SLC22A24: variants seen among roughly 807,000 people sequenced by gnomAD.
The protein encoded by SLC22A24 is steroid transmembrane transporter SLC22A24.
In SLC22A24, 53 loss-of-function variants were observed where a neutral mutation model predicts 49.8. The observed-to-expected ratio is 1.06, with a 90% CI of 0.85 to 1.34. The LOEUF is 1.34. Ranked by LOEUF, SLC22A24 falls within the 40% of genes most tolerant of loss-of-function variation. The probability of loss-of-function intolerance (pLI) is 0.00; values close to 1 mark genes in which losing one functional copy is unlikely to be tolerated. For synonymous variants in SLC22A24, 302 were observed against 256.4 expected (o/e 1.18, Z -1.70); for missense variants, 786 against 675.9 (o/e 1.16, Z -1.81).
At chr11:63,113,169 TATATATACATATATATATACAC>T (rs1318758712) in intron 4 of SLC22A24, among the ~76,000 whole-genome samples, 1,332 of 9,000 alleles carry the variant, frequency 0.15, 368 homozygotes, top group Middle Eastern at 0.5. Context: ...TATATACACA[TATATATACATATATATATACAC>T]ATATATATAT....
Position 63,113,769 on chromosome 11 carries a change from AC to A in SLC22A24, c.830+5142del, listed in dbSNP as rs537634942. Among the ~76,000 whole-genome samples the A allele has an allele frequency of 7.2e-4, 109 of 150,404 alleles. 1 individual carries two copies. The highest frequency in any genetic ancestry group is 2.6e-3 in the African/African-American group (107 of 40,762). ...CTTGAGAGGCTGAGGCAGGAAAATC[AC>A]TTGAACCCAGGAGGCAGAGATTGCA... On this transcript the variant is annotated intron_variant, in intron 4 of 9. Coordinates refer to ENST00000612278, the MANE Select transcript of SLC22A24 (RefSeq NM_001136506.2).
At chr11:63,129,660 T>C (rs2087319314) in intron 2 of SLC22A24, among the ~76,000 whole-genome samples, 1 of 152,192 alleles carries the variant, frequency 6.6e-6, no homozygotes, top group East Asian at 1.9e-4. Context: ...TGTTGAGCAG[T>C]GGTTTGTAGT....
chr11:63,106,996 G>A (rs1160955800), intron 4 of SLC22A24, among the ~76,000 whole-genome samples: 1 of 152,172 alleles, frequency 6.6e-6, no homozygotes, highest in Non-Finnish European at 1.5e-5. Context: ...TAGTCATGAA[G>A]TCCTTGCCCA....
At chr11:63,104,945 A>G (rs1193405608) in intron 4 of SLC22A24, among the ~76,000 whole-genome samples, 1 of 152,230 alleles carries the variant, frequency 6.6e-6, no homozygotes, top group Admixed American at 6.5e-5. Context: ...CCTTCTGCCT[A>G]TGAGCCTATA....
At chr11:63,113,794 C>G (rs1012848716) in intron 4 of SLC22A24, among the ~76,000 whole-genome samples, 8 of 146,928 alleles carry the variant, frequency 5.4e-5, no homozygotes, top group African/African-American at 1.0e-4. Flanking sequence ...GCAGAGATTG[C>G]AGTGAGCCAA....
Position 63,143,010 on chromosome 11 carries a change from AT to A in SLC22A24, c.402+367del, listed in dbSNP as rs1336605098. On this transcript the variant is annotated intron_variant, in intron 1 of 9. Coordinates refer to ENST00000612278, the MANE Select transcript of SLC22A24 (RefSeq NM_001136506.2). ...TTCACAACCAGCAGAATGCAGAAAA[AT>A]TTGTCAAATCCCAAAGCGTGGATAT... Among the ~76,000 whole-genome samples, 3 of 152,208 alleles carry A rather than the reference AT, an allele frequency of 2.0e-5. No homozygotes were observed. In the East Asian group the frequency reaches 5.8e-4, roughly 29 times the overall value.
In SLC22A24 at chr11:63,143,378, C is replaced by G; in HGVS notation, c.402G>C (p.Glu134Asp). 5.5e-6 allele frequency: 8 copies of G among 1,444,604 alleles called. No homozygotes were observed. The highest frequency in any genetic ancestry group is 7.3e-6 in the Non-Finnish European group (8 of 1,096,792). 89.5% of individuals were successfully genotyped at this position (1,444,604 alleles called of 1,614,324 possible). A position where few individuals can be genotyped will look rare whatever the true frequency, so the allele number is the denominator to read the frequency against. ...RSSFLSTIVT[E>D]WDLVCESQSL... ...AGAAGATTTACATGGGGCCTCTTAC[C>G]TCAGTCACGATGGTGGAGAGGAAAG... The change falls in exon 1 of 10, where the codon GAG becomes GAC. Residue 134 changes from glutamate to aspartate, a missense_variant and splice_region_variant. Transcript: ENST00000612278.
chr11:63,123,692 C>A (rs2134670813), intron 2 of SLC22A24, among the ~76,000 whole-genome samples: 1 of 152,258 alleles, frequency 6.6e-6, no homozygotes, highest in South Asian at 2.1e-4. Flanking sequence ...GCCTATATCC[C>A]CTTGGATTCT....
intron 2 of SLC22A24, among the ~76,000 whole-genome samples, chr11:63,120,577 G>A (rs2087244682): frequency 6.6e-6 from 1 of 151,980 alleles, no homozygotes; most frequent in Non-Finnish European, 1.5e-5. Flanking sequence ...ACAAAGAAGG[G>A]GAAGATAAAC....
chr11:63,133,238 G>A (rs1283635547), intron 2 of SLC22A24, among the ~76,000 whole-genome samples: 2 of 152,180 alleles, frequency 1.3e-5, no homozygotes, highest in African/African-American at 4.8e-5. Flanking sequence ...CCTTGGCTAG[G>A]AAAGGGAAAT....
chr11:63,138,719 A>T (rs1017592396), intron 1 of SLC22A24, among the ~76,000 whole-genome samples: 1 of 151,080 alleles, frequency 6.6e-6, no homozygotes, highest in Non-Finnish European at 1.5e-5. Context: ...GAAACTGCTC[A>T]ATGCTGTATA....
intron 2 of SLC22A24, among the ~76,000 whole-genome samples, chr11:63,125,642 G>T (rs2087285087): frequency 6.6e-6 from 1 of 152,156 alleles, no homozygotes; most frequent in African/African-American, 2.4e-5. Context: ...CTTTATAGTA[G>T]CATGATTTAT....
At position 63,098,396 on chromosome 11, in the gene SLC22A24, C is replaced by G. The variant is rs147723525; in HGVS notation, c.955-2290G>C. Among the ~76,000 whole-genome samples, 7 of 152,270 alleles carry G rather than the reference C, an allele frequency of 4.6e-5. No individual in the cohort carries two copies. The East Asian group carries it at 1.2e-3, about 25-fold the overall frequency. The stretch of plus-strand genomic sequence containing the variant: ...TAAAAACTTCAAATATTGGCAGGCA[C>G]AGTGGCTCATGCCTATAATCTCAGC... On this transcript the variant is annotated intron_variant, in intron 5 of 9. Transcript: ENST00000612278.
chr11:63,107,236 G>T (rs899650927), intron 4 of SLC22A24, among the ~76,000 whole-genome samples: 2 of 152,098 alleles, frequency 1.3e-5, no homozygotes, highest in Non-Finnish European at 1.5e-5. Flanking sequence ...AAGATCAGAT[G>T]GTTGTAGATG....
chr11:63,141,771 A>C (rs1049783595), intron 1 of SLC22A24, among the ~76,000 whole-genome samples: 4 of 152,218 alleles, frequency 2.6e-5, no homozygotes, highest in Non-Finnish European at 5.9e-5. Flanking sequence ...GCCTAAGTGA[A>C]AAATAATTAT....
rs2087433889 is a variant in SLC22A24 at position 63,143,810 on chromosome 11, G to C, written c.-31C>G. 6 of 1,330,324 alleles carry C rather than the reference G, an allele frequency of 4.5e-6. No homozygotes were observed. In the East Asian group the frequency reaches 1.8e-4, roughly 40 times the overall value. The allele number at this position is 1,330,324 out of a possible 1,614,324, so 82.4% of individuals were successfully genotyped here. On this transcript the variant is annotated 5_prime_UTR_variant, in exon 1 of 10. Coordinates refer to ENST00000612278, the MANE Select transcript of SLC22A24 (RefSeq NM_001136506.2). Reference sequence around the variant, plus strand: ...CTGAACAGGTGATCCCCAAGAGGAAGCACAATGACTTTATGAAGAGAAGTT... The same window carrying C: ...CTGAACAGGTGATCCCCAAGAGGAACCACAATGACTTTATGAAGAGAAGTT...
At chr11:63,128,270 G>A (rs1487740725) in intron 2 of SLC22A24, among the ~76,000 whole-genome samples, 1 of 152,102 alleles carries the variant, frequency 6.6e-6, no homozygotes, top group Non-Finnish European at 1.5e-5. Flanking sequence ...GTCATGCCTG[G>A]ACAGGGCCAC....
At chr11:63,132,545 G>A (rs2134679468) in intron 2 of SLC22A24, among the ~76,000 whole-genome samples, 1 of 152,282 alleles carries the variant, frequency 6.6e-6, no homozygotes, top group South Asian at 2.1e-4. Flanking sequence ...AGGTCCTTCA[G>A]CTGCAGGTCT....
At chr11:63,108,936 G>A (rs568719538) in intron 4 of SLC22A24, among the ~76,000 whole-genome samples, 35 of 143,278 alleles carry the variant, frequency 2.4e-4, no homozygotes, top group South Asian at 2.3e-3. Flanking sequence ...ATGCTGGTGT[G>A]CTGCACCCAC....
Sources: gnomAD v4.1 joint callset for allele counts (sites outside exome capture counted in the v4.1 genomes callset) on GRCh38, gnomAD v4.1.1 for gene constraint, MANE v1.5 for transcripts, NCBI Gene and HGNC (gene_info 2026-07-23, HGNC 2026-07-21) for gene names.